Variants in CDC25C observed in about 807,000 individuals in gnomAD.
CDC25C encodes the protein M-phase inducer phosphatase 3.
Under a neutral mutation model 52.5 loss-of-function variants are expected in CDC25C, and 48 were observed. That is an observed-to-expected ratio of 0.91 (90% CI 0.72 to 1.16). The LOEUF is 1.16. Ranked by LOEUF, CDC25C falls within the 50% of genes most tolerant of loss-of-function variation. CDC25C has a pLI of 0.00. For missense variants in CDC25C, 510 were observed against 566.1 expected (o/e 0.90, Z 1.01); for synonymous variants, 187 against 206.5 (o/e 0.91, Z 0.81).
intron 2 of CDC25C, among the ~76,000 whole-genome samples, chr5:138,330,170 C>G (rs1242791661): frequency 6.6e-6 from 1 of 152,096 alleles, no homozygotes; most frequent in Non-Finnish European, 1.5e-5. Flanking sequence ...TTTATTTTCT[C>G]CTTACCAACA....
rs1361791540 is a variant in CDC25C at position 138,314,626 on chromosome 5, G to A, written c.615+4593C>T. ...CACTTTTTTTTTTTTTTTTTTTTTTGAGACAGAGTTTCACTCTTGTTGCCC... is the reference window on the plus strand; with the variant it reads ...CACTTTTTTTTTTTTTTTTTTTTTTAAGACAGAGTTTCACTCTTGTTGCCC... On this transcript the variant is annotated intron_variant, in intron 7 of 13. Coordinates refer to ENST00000323760, the MANE Select transcript of CDC25C (RefSeq NM_001790.5). Among the ~76,000 whole-genome samples the A allele has an allele frequency of 1.1e-4, 5 of 43,924 alleles. No homozygotes were observed. In the East Asian group the frequency reaches 3.7e-3, roughly 32 times the overall value. 28.8% of individuals were successfully genotyped at this position (43,924 alleles called of 152,430 possible). A position where few individuals can be genotyped will look rare whatever the true frequency, so the allele number is the denominator to read the frequency against.
intron 7 of CDC25C, among the ~76,000 whole-genome samples, chr5:138,296,668 C>T (rs1447792830): frequency 5.3e-5 from 8 of 150,556 alleles, no homozygotes; most frequent in Admixed American, 3.3e-4. Flanking sequence ...TGCAGTGGCG[C>T]GATCTCGGCT....
chr5:138,306,961 G>A (rs1758054632), intron 7 of CDC25C, among the ~76,000 whole-genome samples: 1 of 148,664 alleles, frequency 6.7e-6, no homozygotes, highest in Admixed American at 6.7e-5. Flanking sequence ...TTCCTTCCTC[G>A]GGCTCTTTAG....
Position 138,328,546 on chromosome 5 carries a change from A to G in CDC25C, c.290-17T>C. ...CCAGGTGACCTGCAATCAAATATAA[A>G]GAATCAGTAAAAGGAGTTATTCTTG... On this transcript the variant is annotated splice_polypyrimidine_tract_variant and intron_variant, in intron 3 of 13. Coordinates refer to ENST00000323760, the MANE Select transcript of CDC25C (RefSeq NM_001790.5). The G allele has an allele frequency of 6.2e-7, 1 of 1,608,720 alleles. No homozygotes were observed. Among genetic ancestry groups the G allele is most frequent in the Non-Finnish European group, 8.5e-7 (1 of 1,175,062 alleles).
intron 7 of CDC25C, among the ~76,000 whole-genome samples, chr5:138,317,992 T>TATCA (rs1321894172): frequency 2.0e-4 from 31 of 152,338 alleles, no homozygotes; most frequent in African/African-American, 5.0e-4. Context: ...AGAAGATTTC[T>TATCA]GTAGTGACCT....
intron 8 of CDC25C, among the ~76,000 whole-genome samples, 186 bp downstream of exon 8, chr5:138,291,782 TTA>T (rs11567992): frequency 0.17 from 25,731 of 147,984 alleles, 2,980 homozygotes; most frequent in South Asian, 0.36. Flanking sequence ...TATAAATATT[TTA>T]TATATATATA....
At chr5:138,317,737 T>A (rs1255969847) in intron 7 of CDC25C, among the ~76,000 whole-genome samples, 13 of 127,552 alleles carry the variant, frequency 1.0e-4, no homozygotes, top group African/African-American at 3.5e-4. Context: ...AAAAGCTAAA[T>A]GCCTCAGAAA....
chr5:138,294,499 A>AT (rs762737768), intron 7 of CDC25C, among the ~76,000 whole-genome samples: 2,879 of 95,902 alleles, frequency 0.03, 171 homozygotes, highest in African/African-American at 0.084. Flanking sequence ...CACTCAGCTA[A>AT]TTTTTTTTTT....
intron 6 of CDC25C, among the ~76,000 whole-genome samples, chr5:138,320,103 G>T (rs758114891): frequency 2.0e-4 from 31 of 152,114 alleles, no homozygotes; most frequent in African/African-American, 7.5e-4. Flanking sequence ...TCAGGAGTTC[G>T]AGAGCAGCCT....
At chr5:138,299,716 C>T (rs1046191770) in intron 7 of CDC25C, among the ~76,000 whole-genome samples, 8 of 151,128 alleles carry the variant, frequency 5.3e-5, no homozygotes, top group Non-Finnish European at 8.8e-5. Context: ...GATCTCAAAT[C>T]AATTACCTAA....
rs11568007 is a variant in CDC25C, at chr5:138,286,233, A to G, written c.1161-100T>C. Reference sequence around the variant, plus strand: ...GGGGGAGAGGAGTAGACTATTGCCAACCTCAAAAAGGACTTTCCAATCTCC... The same window carrying G: ...GGGGGAGAGGAGTAGACTATTGCCAGCCTCAAAAAGGACTTTCCAATCTCC... On this transcript the variant is annotated intron_variant, in intron 12 of 13. Transcript: ENST00000323760. 1.0e-3 allele frequency: 963 copies of G among 956,952 alleles called. 3 individuals are homozygous for G. The highest frequency in any genetic ancestry group is 1.4e-3 in the Admixed American group (57 of 40,976). The allele number at this position is 956,952 out of a possible 1,614,324, so 59.3% of individuals were successfully genotyped here. A position where few individuals can be genotyped will look rare whatever the true frequency, so the allele number is the denominator to read the frequency against.
At chr5:138,313,631 T>C (rs193041380) in intron 7 of CDC25C, among the ~76,000 whole-genome samples, 2 of 152,270 alleles carry the variant, frequency 1.3e-5, no homozygotes, top group Admixed American at 6.5e-5. Context: ...ATTATTCCTA[T>C]ATGTGTCTAC....
chr5:138,333,390 T>G (rs1293912776), upstream of CDC25C: 1 of 152,120 alleles, frequency 6.6e-6, no homozygotes, highest in Non-Finnish European at 1.5e-5. Context: ...AGAGGCACAG[T>G]GTAGCCAGCT....
At chr5:138,305,606 G>T (rs936938978) in intron 7 of CDC25C, among the ~76,000 whole-genome samples, 6 of 152,100 alleles carry the variant, frequency 3.9e-5, no homozygotes, top group African/African-American at 1.4e-4. Context: ...TTACTGTGTT[G>T]CCTAGGCTGG....
intron 7 of CDC25C, among the ~76,000 whole-genome samples, chr5:138,296,906 CT>C (rs1300029259): frequency 0.14 from 11,116 of 80,166 alleles, 645 homozygotes; most frequent in South Asian, 0.19. Flanking sequence ...CGCCCGGCCA[CT>C]TTTTTTTTTT....
chr5:138,286,724 G>T, intron 11 of CDC25C, 94 bp from the exon 12 acceptor site: 1 of 1,219,754 alleles, frequency 8.2e-7, no homozygotes, highest in Non-Finnish European at 1.1e-6. Flanking sequence ...GGGATAATGT[G>T]GACCAGAAAA....
At chr5:138,322,983 C>T (rs1217400531) in intron 6 of CDC25C, among the ~76,000 whole-genome samples, 4 of 149,016 alleles carry the variant, frequency 2.7e-5, no homozygotes, top group Non-Finnish European at 5.9e-5. Flanking sequence ...CTCACTTTGT[C>T]ACCTGTCCAT....
chr5:138,333,643 G>A (rs1258302173), upstream of CDC25C: 1 of 152,214 alleles, frequency 6.6e-6, no homozygotes, highest in Non-Finnish European at 1.5e-5. Context: ...CTGCAGGTGG[G>A]AAGTAGAGAC....
intron 7 of CDC25C, among the ~76,000 whole-genome samples, chr5:138,317,116 A>C (rs1174139400): frequency 1.3e-5 from 2 of 152,156 alleles, no homozygotes; most frequent in East Asian, 3.9e-4. Context: ...TTAGCTGGGC[A>C]TGGTGGTATG....
Sources: gnomAD v4.1 joint callset for allele counts (sites outside exome capture counted in the v4.1 genomes callset) on GRCh38, gnomAD v4.1.1 for gene constraint, MANE v1.5 for transcripts, NCBI Gene and HGNC (gene_info 2026-07-23, HGNC 2026-07-21) for gene names.